The following FBXL17 variants were observed in gnomAD, a reference collection of about 807,000 sequenced individuals.
The protein encoded by FBXL17 is F-box/LRR-repeat protein 17.
Under a neutral mutation model 66.2 loss-of-function variants are expected in FBXL17, and 22 were observed. The ratio of observed to expected loss-of-function variants is 0.33; its 90% CI spans 0.24 to 0.47. The LOEUF (loss-of-function observed/expected upper bound fraction) is 0.47. Ranked by LOEUF, FBXL17 falls within the 20% of genes least tolerant of loss-of-function variation. The pLI, the probability that FBXL17 is intolerant of heterozygous loss-of-function variation, is 1.00. For synonymous variants in FBXL17, 474 were observed against 400.5 expected (o/e 1.18, Z -2.19); for missense variants, 878 against 948.2 (o/e 0.93, Z 0.97).
intron 7 of FBXL17, among the ~76,000 whole-genome samples, chr5:108,015,481 T>C (rs1754349432): frequency 6.6e-6 from 1 of 151,912 alleles, no homozygotes; most frequent in Non-Finnish European, 1.5e-5. Flanking sequence ...TATTTAAAAA[T>C]GAAACAAAAT....
intron 4 of FBXL17, among the ~76,000 whole-genome samples, chr5:108,343,623 G>A (rs1747039021): frequency 6.6e-6 from 1 of 152,082 alleles, no homozygotes; most frequent in Non-Finnish European, 1.5e-5. Flanking sequence ...TCAGGAAATG[G>A]AAGCTTTCAC....
chr5:108,157,372 C>T (rs1283088439), intron 6 of FBXL17, among the ~76,000 whole-genome samples: 1 of 151,800 alleles, frequency 6.6e-6, no homozygotes, highest in African/African-American at 2.4e-5. Flanking sequence ...TTCTAAATCA[C>T]TACTAAATTA....
At chr5:108,173,926 T>C (rs544602162) in intron 6 of FBXL17, among the ~76,000 whole-genome samples, 3 of 152,210 alleles carry the variant, frequency 2.0e-5, no homozygotes, top group Non-Finnish European at 4.4e-5. Context: ...AAAATTATAA[T>C]AGTTAATAAC....
intron 4 of FBXL17, among the ~76,000 whole-genome samples, chr5:108,266,029 A>G (rs924565638): frequency 4.6e-5 from 7 of 152,110 alleles, no homozygotes; most frequent in African/African-American, 1.7e-4. Flanking sequence ...CAAATCTTCC[A>G]TATTTCTGAA....
At chr5:108,312,504 A>G (rs1488893902) in intron 4 of FBXL17, among the ~76,000 whole-genome samples, 1 of 152,082 alleles carries the variant, frequency 6.6e-6, no homozygotes, top group Non-Finnish European at 1.5e-5. Context: ...CACACATGTT[A>G]TGACACTGCC....
chr5:108,213,578 A>G (rs946068362), intron 5 of FBXL17, among the ~76,000 whole-genome samples: 1 of 152,084 alleles, frequency 6.6e-6, no homozygotes, highest in African/African-American at 2.4e-5. Flanking sequence ...GGGTGAGGCA[A>G]TGCCCCACCC....
chr5:108,152,516 C>G (rs767865879), intron 6 of FBXL17, among the ~76,000 whole-genome samples: 2 of 152,088 alleles, frequency 1.3e-5, no homozygotes, highest in Non-Finnish European at 2.9e-5. Flanking sequence ...GCCTCGGGCT[C>G]TAGTATGATT....
chr5:108,381,077 G>A lies in FBXL17; in HGVS notation c.615C>T (p.Pro205=), dbSNP rs1749867413. 13 of 1,248,246 alleles carry A rather than the reference G, an allele frequency of 1.0e-5. No individual in the cohort carries two copies. The highest frequency in any genetic ancestry group is 1.3e-5 in the Non-Finnish European group (13 of 996,850). 77.3% of individuals were successfully genotyped at this position (1,248,246 alleles called of 1,614,324 possible). A position where few individuals can be genotyped will look rare whatever the true frequency, so the allele number is the denominator to read the frequency against. Residue 205 remains proline, a synonymous_variant, in exon 1 of 9, where the codon CCC becomes CCT. Transcript: ENST00000542267. ...GGGGCTGCTTGCAGGGGGTGCAGGC[G>A]GGGACCCCGGCCCCCTTCCGCTTGC... ...MVCKRKGAGV[P]ACTPCKQPRC... is the part of the protein sequence containing the mutation.
intron 6 of FBXL17, among the ~76,000 whole-genome samples, chr5:108,030,054 T>C (rs1754977436): frequency 6.6e-6 from 1 of 152,184 alleles, no homozygotes; most frequent in Non-Finnish European, 1.5e-5. Context: ...TACGTGTACA[T>C]GTATGTACAT....
intron 4 of FBXL17, among the ~76,000 whole-genome samples, chr5:108,279,693 G>A (rs896717174): frequency 2.0e-5 from 3 of 151,350 alleles, no homozygotes; most frequent in Non-Finnish European, 4.4e-5. Context: ...AGATGCAAGA[G>A]GAATCTGAAA....
intron 6 of FBXL17, among the ~76,000 whole-genome samples, chr5:108,075,440 T>C (rs1160019591): frequency 6.6e-6 from 1 of 152,206 alleles, no homozygotes; most frequent in Non-Finnish European, 1.5e-5. Context: ...TAAACTTTAC[T>C]TTTTCCAGTT....
chr5:107,882,029 A>T (rs1011897711), intron 7 of FBXL17, among the ~76,000 whole-genome samples: 7 of 152,190 alleles, frequency 4.6e-5, no homozygotes, highest in African/African-American at 1.4e-4. Context: ...ACCGACTTTG[A>T]TAAATGTGCC....
Position 107,991,738 on chromosome 5 carries a change from C to T in FBXL17, c.1822+29187G>A, listed in dbSNP as rs6892184. On this transcript the variant is annotated intron_variant, in intron 7 of 8. Transcript: ENST00000542267. ...CTAAGTTTCCCTTGCTATTTTATCT[C>T]TATCTTTGGTATTTAAATACTGCTT... Among the ~76,000 whole-genome samples, 950 of 152,220 alleles carry T rather than the reference C, an allele frequency of 6.2e-3. 9 individuals carry two copies. Among genetic ancestry groups the T allele is most frequent in the African/African-American group, 0.021 (859 of 41,538 alleles).
intron 7 of FBXL17, among the ~76,000 whole-genome samples, chr5:107,938,726 T>C (rs2112585811): frequency 6.6e-6 from 1 of 152,272 alleles, no homozygotes; most frequent in Non-Finnish European, 1.5e-5. Context: ...ATTCTCCATA[T>C]GTTGCCCATA....
At chr5:108,022,198 CT>C (rs1474270941) in intron 6 of FBXL17, among the ~76,000 whole-genome samples, 2 of 151,672 alleles carry the variant, frequency 1.3e-5, no homozygotes, top group East Asian at 3.9e-4. Context: ...TTTTCTTCCC[CT>C]ATTCAAAAAA....
intron 7 of FBXL17, among the ~76,000 whole-genome samples, chr5:108,006,383 A>G (rs1418002081): frequency 6.6e-6 from 1 of 152,202 alleles, no homozygotes; most frequent in Non-Finnish European, 1.5e-5. Context: ...GATAGAGTTG[A>G]CCGGGCTTGC....
At chr5:107,875,233 G>C (rs886875483) in intron 8 of FBXL17, among the ~76,000 whole-genome samples, 1 of 152,012 alleles carries the variant, frequency 6.6e-6, no homozygotes, top group African/African-American at 2.4e-5. Context: ...GCAGGTATAT[G>C]CTTTGTTTCA....
At chr5:108,057,154 A>C (rs1473196487) in intron 6 of FBXL17, among the ~76,000 whole-genome samples, 1 of 152,234 alleles carries the variant, frequency 6.6e-6, no homozygotes, top group East Asian at 1.9e-4. Context: ...AGTGTTTGAT[A>C]TAATGTAAGA....
chr5:108,119,084 A>G (rs1750375897), intron 6 of FBXL17, among the ~76,000 whole-genome samples: 1 of 152,132 alleles, frequency 6.6e-6, no homozygotes, highest in Non-Finnish European at 1.5e-5. Context: ...TGCCATACCC[A>G]CTAAGACTGG....
Sources: gnomAD v4.1 joint callset for allele counts (sites outside exome capture counted in the v4.1 genomes callset) on GRCh38, gnomAD v4.1.1 for gene constraint, MANE v1.5 for transcripts, NCBI Gene and HGNC (gene_info 2026-07-23, HGNC 2026-07-21) for gene names.